Variants in DNAH7 observed in about 807,000 individuals in gnomAD.
DNAH7 encodes the protein axonemal beta dynein heavy chain 7.
DNAH7 carries 397 observed loss-of-function variants against 444.6 expected under a neutral mutation model. That is an observed-to-expected ratio of 0.89 (90% CI 0.82 to 0.97). The LOEUF is 0.97. DNAH7 is among the 50% of genes least tolerant of loss of function. The pLI is 0.00. For synonymous variants in DNAH7, 1,636 were observed against 1,624.4 expected, an observed-to-expected ratio of 1.01 and a Z score of -0.17; for missense variants, 4,902 against 4,800.8, an observed-to-expected ratio of 1.02 and a Z score of -0.62.
At chr2:195,932,388 T>C (rs1220349225) in intron 21 of DNAH7, among the ~76,000 whole-genome samples, 16 of 152,194 alleles carry the variant, frequency 1.1e-4, no homozygotes, top group Admixed American at 1.0e-3. Context: ...ACTTCCTCTT[T>C]TCCTACTTGA....
rs957799440 is a variant in DNAH7, at chr2:195,864,040, TA to T, written c.7506+108del. On this transcript the variant is annotated intron_variant, in intron 41 of 64. Coordinates refer to ENST00000312428, the MANE Select transcript of DNAH7 (RefSeq NM_018897.3). ...GATATAACTGATCAGAAGATTCTGC[TA>T]AACAATATTTTGGGGTAAACTACAG... 112 of 1,029,930 alleles carry T rather than the reference TA, an allele frequency of 1.1e-4. No homozygotes were observed. In the African/African-American group the frequency reaches 1.5e-3, roughly 14 times the overall value. 63.8% of individuals were successfully genotyped at this position (1,029,930 alleles called of 1,614,324 possible). A position where few individuals can be genotyped will look rare whatever the true frequency, so the allele number is the denominator to read the frequency against.
At chr2:195,865,143 GTATATC>G in intron 40 of DNAH7, 122 bp from the exon 41 acceptor site, 1 of 921,090 alleles carries the variant, frequency 1.1e-6, no homozygotes, top group Non-Finnish European at 1.6e-6. Flanking sequence ...TTTATTAAAA[GTATATC>G]CAAATAATCA....
intron 19 of DNAH7, among the ~76,000 whole-genome samples, chr2:195,945,567 C>T (rs1689743507): frequency 6.6e-6 from 1 of 152,172 alleles, no homozygotes; most frequent in African/African-American, 2.4e-5. Flanking sequence ...CTGACAAGAT[C>T]TAATTCACTT....
In DNAH7 at chr2:195,922,108, T is replaced by C. The variant is rs1688060618; in HGVS notation, c.3915A>G (p.Pro1305=). ...TTTACCTGTAACATCTATCCGTGAGTGGTGTAATAACCAGCCTAGGGGAAT... is the reference window on the plus strand; with the variant it reads ...TTTACCTGTAACATCTATCCGTGAGCGGTGTAATAACCAGCCTAGGGGAAT... ...LGNSPRLVIT[P]LTDRCYRTLF... The change falls in exon 24 of 65, where the codon CCA becomes CCG. Residue 1305 remains proline (P), a synonymous_variant. Transcript: ENST00000312428. The C allele has an allele frequency of 6.2e-7, 1 of 1,604,324 alleles. No individual in the cohort carries two copies. The highest frequency in any genetic ancestry group is 8.5e-7 in the Non-Finnish European group (1 of 1,171,182).
Position 195,771,657 on chromosome 2 carries a change from T to A in DNAH7, c.11433+3A>T, listed in dbSNP as rs1376626391. On this transcript the variant is annotated splice_donor_region_variant and intron_variant, in intron 61 of 64. Transcript: ENST00000312428. The stretch of plus-strand genomic sequence containing the variant: ...GGGTTTTTTTTGGTGTTTTTCACCT[T>A]ACCTTGATTGCTTTTTGAATATTTA... 4 of 1,609,180 alleles carry A rather than the reference T, an allele frequency of 2.5e-6. No homozygotes were observed. The highest frequency in any genetic ancestry group is 3.4e-6 in the Non-Finnish European group (4 of 1,175,602).
At chr2:196,028,075 A>G in intron 5 of DNAH7, 28 bp from the exon 6 acceptor site, 1 of 1,585,532 alleles carries the variant, frequency 6.3e-7, no homozygotes, top group Non-Finnish European at 8.6e-7. Context: ...ATACTATTCA[A>G]AAGTAGATAA....
intron 63 of DNAH7, among the ~76,000 whole-genome samples, chr2:195,752,966 A>G (rs921972175): frequency 2.0e-5 from 3 of 152,240 alleles, no homozygotes; most frequent in African/African-American, 7.2e-5. Context: ...GAGCGGAGAT[A>G]CAGGACAGCA....
In DNAH7 at chr2:195,773,085, C is replaced by G. The variant is rs565314950; in HGVS notation, c.11203-1195G>C. 3.9e-5 allele frequency among the ~76,000 whole-genome samples: 6 copies of G among 152,190 alleles called. No homozygotes were observed. The East Asian group carries it at 9.6e-4, about 24-fold the overall frequency. On this transcript the variant is annotated intron_variant, in intron 60 of 64. Transcript: ENST00000312428. ...CATGAGCCACCGTGCCCGGCCTCTA[C>G]TGTGATTTTAACACTACTTACCACA...
intron 22 of DNAH7, 125 bp downstream of exon 22, chr2:195,926,301 G>A: frequency 1.2e-6 from 1 of 834,770 alleles, no homozygotes; most frequent in South Asian, 5.3e-5. Context: ...TCTGTAATTT[G>A]GCTTGCAGCA....
chr2:196,021,434 G>C (rs867692951), intron 8 of DNAH7, among the ~76,000 whole-genome samples: 1 of 152,070 alleles, frequency 6.6e-6, no homozygotes, highest in Non-Finnish European at 1.5e-5. Flanking sequence ...AATTAAGCAC[G>C]TCACACAAAT....
intron 8 of DNAH7, among the ~76,000 whole-genome samples, chr2:196,020,894 A>G (rs10190289): frequency 0.23 from 35,623 of 152,020 alleles, 7,336 homozygotes; most frequent in African/African-American, 0.55. Context: ...TTACGGGCGT[A>G]AGCCACCGCA....
chr2:196,016,605 TGTA>T (rs1290839631), intron 9 of DNAH7, among the ~76,000 whole-genome samples: 12 of 152,194 alleles, frequency 7.9e-5, no homozygotes, highest in African/African-American at 2.9e-4. Flanking sequence ...CCCTGAAGTA[TGTA>T]GAAGGTCAGA....
At chr2:196,055,506 T>A (rs1414374773) in intron 2 of DNAH7, among the ~76,000 whole-genome samples, 1 of 152,222 alleles carries the variant, frequency 6.6e-6, no homozygotes, top group African/African-American at 2.4e-5. Context: ...ACATATACAA[T>A]GCTGTAACCC....
At chr2:195,839,167 G>C (rs1039986480) in intron 47 of DNAH7, among the ~76,000 whole-genome samples, 3 of 151,524 alleles carry the variant, frequency 2.0e-5, no homozygotes. Context: ...ATCATACAAT[G>C]ATAGTCTGAA....
At chr2:195,782,414 A>C (rs1695432249) in intron 58 of DNAH7, among the ~76,000 whole-genome samples, 1 of 152,226 alleles carries the variant, frequency 6.6e-6, no homozygotes, top group African/African-American at 2.4e-5. Flanking sequence ...TTGTCATTTA[A>C]TAGAAGGAAC....
chr2:196,058,652 C>A (rs1260445458), intron 1 of DNAH7, among the ~76,000 whole-genome samples: 1 of 151,890 alleles, frequency 6.6e-6, no homozygotes, highest in Non-Finnish European at 1.5e-5. Flanking sequence ...AAGACCTATA[C>A]AATGAAACCA....
intron 57 of DNAH7, among the ~76,000 whole-genome samples, chr2:195,789,916 T>C (rs535524027): frequency 3.9e-5 from 6 of 152,268 alleles, no homozygotes; most frequent in Admixed American, 3.3e-4. Context: ...ATTCTATACC[T>C]GGAAAACACC....
At chr2:195,889,907 T>TAAATATGAA (rs1370086359) in intron 31 of DNAH7, among the ~76,000 whole-genome samples, 1 of 152,196 alleles carries the variant, frequency 6.6e-6, no homozygotes, top group African/African-American at 2.4e-5. Flanking sequence ...AATGATATAA[T>TAAATATGAA]AAATATGAAA....
intron 51 of DNAH7, among the ~76,000 whole-genome samples, chr2:195,812,974 C>A (rs1369216288): frequency 6.6e-6 from 1 of 152,154 alleles, no homozygotes; most frequent in Non-Finnish European, 1.5e-5. Flanking sequence ...TAGGACTGAT[C>A]AAAGTTTCTC....
Sources: allele counts gnomAD v4.1 joint callset (sites outside exome capture counted in the v4.1 genomes callset), GRCh38; gene constraint gnomAD v4.1.1; transcripts MANE v1.5; gene names NCBI Gene and HGNC (gene_info 2026-07-23, HGNC 2026-07-21).